ARHGAP39: variants seen among roughly 807,000 people sequenced by gnomAD.
ARHGAP39 encodes the protein Rho GTPase activating protein 39.
In ARHGAP39, 44 loss-of-function variants were observed where a neutral mutation model predicts 106.9. The observed-to-expected ratio is 0.41, with a 90% CI of 0.32 to 0.53. ARHGAP39 has a LOEUF of 0.53. ARHGAP39 is among the 20% of genes least tolerant of loss of function. The pLI is 0.21. For synonymous variants in ARHGAP39, 768 were observed against 693.2 expected, an observed-to-expected ratio of 1.11 and a Z score of -1.69; for missense variants, 1,496 against 1,577.3, an observed-to-expected ratio of 0.95 and a Z score of 0.87.
At chr8:144,534,705 A>G (rs1816884220) in intron 7 of ARHGAP39, among the ~76,000 whole-genome samples, 1 of 152,224 alleles carries the variant, frequency 6.6e-6, no homozygotes, top group African/African-American at 2.4e-5. Flanking sequence ...GCTCTGCTGC[A>G]GCCCTGGGCC....
intron 1 of ARHGAP39, among the ~76,000 whole-genome samples, chr8:144,609,432 C>CA (rs964030257): frequency 6.2e-5 from 8 of 129,642 alleles, no homozygotes; most frequent in African/African-American, 2.4e-4. Flanking sequence ...GACGGAGTCT[C>CA]AGTCTGTTGC....
intron 2 of ARHGAP39, among the ~76,000 whole-genome samples, chr8:144,600,653 G>T (rs1374410094): frequency 6.7e-6 from 1 of 149,022 alleles, no homozygotes; most frequent in East Asian, 2.1e-4. Context: ...TGTGCATGGA[G>T]GTGTGCGTGC....
chr8:144,598,068 C>T (rs980612491), intron 2 of ARHGAP39, among the ~76,000 whole-genome samples: 13 of 152,222 alleles, frequency 8.5e-5, no homozygotes, highest in Admixed American at 2.6e-4. Flanking sequence ...AAGGAGAGTC[C>T]GGCCAGAGTA....
chr8:144,590,417 TGTGA>T (rs1236779987), intron 2 of ARHGAP39, among the ~76,000 whole-genome samples: 7 of 152,318 alleles, frequency 4.6e-5, no homozygotes, highest in Non-Finnish European at 7.4e-5. Flanking sequence ...TCTTCTCGAC[TGTGA>T]GTGAGTTCTT....
chr8:144,595,128 A>C lies in ARHGAP39; in HGVS notation c.80+10407T>G, dbSNP rs145791483. Reference sequence around the variant, plus strand: ...AAGAGAAACGAAAACGTCTTCACACAGAAATCTGCACACAAATGTTCATGG... The same window carrying C: ...AAGAGAAACGAAAACGTCTTCACACCGAAATCTGCACACAAATGTTCATGG... On this transcript the variant is annotated intron_variant, in intron 2 of 11. Transcript: ENST00000377307. Among the ~76,000 whole-genome samples the C allele has an allele frequency of 2.0e-3, 301 of 152,390 alleles. 1 individual carries two copies. The highest frequency in any genetic ancestry group is 6.9e-3 in the African/African-American group (287 of 41,594).
At chr8:144,643,530 G>T (rs1300219580) in intron 1 of ARHGAP39, among the ~76,000 whole-genome samples, 1 of 152,126 alleles carries the variant, frequency 6.6e-6, no homozygotes, top group Non-Finnish European at 1.5e-5. Flanking sequence ...CCACCACTTT[G>T]GTTCTCACCC....
chr8:144,573,076 A>G (rs1348563516), intron 3 of ARHGAP39, among the ~76,000 whole-genome samples: 1 of 152,214 alleles, frequency 6.6e-6, no homozygotes. Flanking sequence ...TAGAAATACC[A>G]TTTGACCCAG....
Position 144,684,945 on chromosome 8 carries a change from T to C in ARHGAP39, c.-82+741A>G, listed in dbSNP as rs569299469. On this transcript the variant is annotated intron_variant, in intron 1 of 11. Transcript: ENST00000377307. The surrounding 1 kb of genome is among the most constrained non-coding windows in gnomAD (Gnocchi z 4.4). ...GCTGCACCGCAGCGCACCGCAGCCCTGCACCCGGGCCGCCCTTCAGGACGC... is the reference window on the plus strand; with the variant it reads ...GCTGCACCGCAGCGCACCGCAGCCCCGCACCCGGGCCGCCCTTCAGGACGC... Among the ~76,000 whole-genome samples the C allele has an allele frequency of 6.6e-6, 1 of 152,276 alleles. No homozygotes were observed. Among genetic ancestry groups the C allele is most frequent in the Non-Finnish European group, 1.5e-5 (1 of 67,988 alleles).
chr8:144,622,373 A>G (rs1250144585), intron 1 of ARHGAP39, among the ~76,000 whole-genome samples: 2 of 152,024 alleles, frequency 1.3e-5, no homozygotes. Flanking sequence ...CCCACCCGCC[A>G]CAGGCTTCCT....
At chr8:144,653,576 A>G (rs1427463699) in intron 1 of ARHGAP39, among the ~76,000 whole-genome samples, 1 of 152,204 alleles carries the variant, frequency 6.6e-6, no homozygotes, top group Non-Finnish European at 1.5e-5. Context: ...AGACTCTGAA[A>G]CACCCATGCC....
At chr8:144,661,169 C>T (rs767130428) in intron 1 of ARHGAP39, among the ~76,000 whole-genome samples, 24 of 152,120 alleles carry the variant, frequency 1.6e-4, no homozygotes, top group African/African-American at 3.4e-4. Context: ...TCACCCACTC[C>T]GGGACCACCA....
In ARHGAP39 at chr8:144,608,255, C is replaced by G. The variant is rs971406536; in HGVS notation, c.-81-2560G>C. ...AGAGGAAACAGGTGACCTGCTCGTACAGCTTCAATCTTTTTGAAAAGTAAA... is the reference window on the plus strand; with the variant it reads ...AGAGGAAACAGGTGACCTGCTCGTAGAGCTTCAATCTTTTTGAAAAGTAAA... On this transcript the variant is annotated intron_variant, in intron 1 of 11. Transcript: ENST00000377307. 2.6e-5 allele frequency among the ~76,000 whole-genome samples: 4 copies of G among 151,350 alleles called. 1 individual carries two copies. The highest frequency in any genetic ancestry group is 2.6e-4 in the Admixed American group (4 of 15,190).
intron 3 of ARHGAP39, among the ~76,000 whole-genome samples, chr8:144,559,612 A>T (rs1215972458): frequency 1.3e-5 from 2 of 152,192 alleles, no homozygotes; most frequent in Non-Finnish European, 2.9e-5. Context: ...TTGTGGTAAA[A>T]TATTTTAAAA....
chr8:144,618,644 C>T (rs1820701490), intron 1 of ARHGAP39, among the ~76,000 whole-genome samples: 1 of 152,218 alleles, frequency 6.6e-6, no homozygotes. Context: ...TCAGCCACCT[C>T]CCCCTCTGCC....
At chr8:144,668,783 A>G (rs772047174) in intron 1 of ARHGAP39, among the ~76,000 whole-genome samples, 31 of 152,014 alleles carry the variant, frequency 2.0e-4, no homozygotes, top group Admixed American at 4.6e-4. Context: ...AAGCTTGCTG[A>G]AAAAAAACAA....
chr8:144,543,857 T>A (rs1392854997), intron 6 of ARHGAP39: 1 of 152,014 alleles, frequency 6.6e-6, no homozygotes, highest in Non-Finnish European at 1.5e-5. Context: ...CTGGCTGTCT[T>A]CTGGCCCTCA....
Position 144,576,219 on chromosome 8 carries a change from G to C in ARHGAP39, c.512+4627C>G, listed in dbSNP as rs575936654. Among the ~76,000 whole-genome samples the C allele has an allele frequency of 4.6e-5, 7 of 151,028 alleles. No homozygotes were observed. In the South Asian group the frequency reaches 1.3e-3, roughly 27 times the overall value. On this transcript the variant is annotated intron_variant, in intron 3 of 11. Transcript: ENST00000377307. The stretch of plus-strand genomic sequence containing the variant: ...GTGGTGGTGGGCGCCTGAAGTCCCA[G>C]CTACTCGGGAGGCTGAGGCAGGAAA...
intron 1 of ARHGAP39, among the ~76,000 whole-genome samples, chr8:144,619,684 G>C (rs1820737059): frequency 6.6e-6 from 1 of 150,900 alleles, no homozygotes; most frequent in Admixed American, 6.6e-5. Flanking sequence ...ACGTATGCCT[G>C]TGTGCATGAG....
chr8:144,591,596 T>C lies in ARHGAP39; in HGVS notation c.81-10319A>G, dbSNP rs1819398001. ...CAGGATGAAGGCTCCGGGAGGCCAG[T>C]GGTGCTGGGGGACAGGGTGCGTGCC... On this transcript the variant is annotated intron_variant, in intron 2 of 11. Transcript: ENST00000377307. The surrounding 1 kb of genome is among the most constrained non-coding windows in gnomAD (Gnocchi z 5.3). Among the ~76,000 whole-genome samples, 1 of 151,286 alleles carries C rather than the reference T, an allele frequency of 6.6e-6. No individual in the cohort carries two copies. Among genetic ancestry groups the C allele is most frequent in the South Asian group, 2.1e-4 (1 of 4,744 alleles).
Sources: allele counts gnomAD v4.1 joint callset (sites outside exome capture counted in the v4.1 genomes callset), GRCh38; gene constraint gnomAD v4.1.1; non-coding constraint Gnocchi (gnomAD v3.1); transcripts MANE v1.5; gene names NCBI Gene and HGNC (gene_info 2026-07-23, HGNC 2026-07-21).